GTF2F2: variants seen among roughly 807,000 people sequenced by gnomAD.
GTF2F2 encodes ATP-dependent helicase GTF2F2.
A neutral mutation model predicts 42.2 loss-of-function variants in GTF2F2; 23 were observed. The ratio of observed to expected loss-of-function variants is 0.55; its 90% confidence interval spans 0.39 to 0.77. The LOEUF is 0.77. GTF2F2 is among the 30% of genes least tolerant of loss of function. The pLI is 0.00. For missense variants in GTF2F2, 261 were observed against 287.2 expected, an observed-to-expected ratio of 0.91 and a Z score of 0.66; for synonymous variants, 105 against 100.8, an observed-to-expected ratio of 1.04 and a Z score of -0.25.
intron 5 of GTF2F2, among the ~76,000 whole-genome samples, chr13:45,240,599 G>C (rs2138232176): frequency 6.6e-6 from 1 of 152,230 alleles, no homozygotes; most frequent in Non-Finnish European, 1.5e-5. Context: ...AGGCCAAGGT[G>C]GTTGGATCAC....
intron 5 of GTF2F2, among the ~76,000 whole-genome samples, chr13:45,248,433 TG>T (rs1593517398): frequency 6.6e-6 from 1 of 151,996 alleles, no homozygotes; most frequent in African/African-American, 2.4e-5. Flanking sequence ...TTTTGTTTTT[TG>T]TTTTTTTGTT....
intron 4 of GTF2F2, among the ~76,000 whole-genome samples, chr13:45,164,469 A>G (rs1463109154): frequency 6.6e-6 from 1 of 152,192 alleles, no homozygotes; most frequent in Non-Finnish European, 1.5e-5. Flanking sequence ...GTAGTGGCTC[A>G]TGCCTGTAAC....
chr13:45,272,027 T>A (rs1017797475), intron 7 of GTF2F2, among the ~76,000 whole-genome samples: 3 of 151,442 alleles, frequency 2.0e-5, no homozygotes, highest in African/African-American at 4.8e-5. Context: ...TGGTTCCTTT[T>A]TTCATCTTTT....
At chr13:45,249,801 G>A (rs1171724153) in intron 5 of GTF2F2, among the ~76,000 whole-genome samples, 1 of 151,778 alleles carries the variant, frequency 6.6e-6, no homozygotes, top group Non-Finnish European at 1.5e-5. Context: ...CCTGAGAGCT[G>A]ATTGCATTAG....
At chr13:45,207,005 A>AACACACACACACACACACACACAC (rs10547539) in intron 4 of GTF2F2, 9 of 139,196 alleles carry the variant, frequency 6.5e-5, no homozygotes, top group African/African-American at 1.8e-4. Context: ...CACATACACA[A>AACACACACACACACACACACACAC]ACACACACAC....
chr13:45,193,667 T>G, intron 4 of GTF2F2: 2 of 843,176 alleles, frequency 2.4e-6, no homozygotes, highest in Non-Finnish European at 3.7e-6. Context: ...CAGTAATTGA[T>G]TAGTAGCAGG....
intron 1 of GTF2F2, among the ~76,000 whole-genome samples, chr13:45,126,193 T>G (rs1438207499): frequency 1.3e-5 from 2 of 151,936 alleles, no homozygotes; most frequent in Non-Finnish European, 2.9e-5. Flanking sequence ...AACTAGATAT[T>G]TGATGAAGCA....
At chr13:45,206,210 A>G (rs939847491) in intron 4 of GTF2F2, 2 of 152,154 alleles carry the variant, frequency 1.3e-5, no homozygotes, top group Non-Finnish European at 2.9e-5. Flanking sequence ...TACATTGATT[A>G]TATACGGTGT....
intron 4 of GTF2F2, among the ~76,000 whole-genome samples, chr13:45,165,568 C>T (rs1001383623): frequency 2.6e-5 from 3 of 113,420 alleles, no homozygotes; most frequent in Non-Finnish European, 1.7e-5. Flanking sequence ...ACTGCCCTCG[C>T]CCCCCCCCGC....
At chr13:45,232,292 C>A (rs1378058846) in intron 5 of GTF2F2, among the ~76,000 whole-genome samples, 11 of 152,014 alleles carry the variant, frequency 7.2e-5, no homozygotes, top group Non-Finnish European at 1.6e-4. Context: ...ATAAATAATT[C>A]TGGTTTTAAG....
chr13:45,242,282 A>ATTTTTTTTTTTTTTT (rs1875354552), intron 5 of GTF2F2, among the ~76,000 whole-genome samples: 1 of 118,532 alleles, frequency 8.4e-6, no homozygotes, highest in Non-Finnish European at 1.7e-5. Context: ...TTTTTTTTTA[A>ATTTTTTTTTTTTTTT]CTTGACTTTG....
chr13:45,251,547 T>C (rs945090235), intron 5 of GTF2F2, among the ~76,000 whole-genome samples: 1 of 152,154 alleles, frequency 6.6e-6, no homozygotes, highest in Admixed American at 6.5e-5. Context: ...ATGCATCCAG[T>C]CTGATCTCTT....
chr13:45,174,373 A>G (rs1459063174), intron 4 of GTF2F2, among the ~76,000 whole-genome samples: 2 of 152,198 alleles, frequency 1.3e-5, no homozygotes, highest in African/African-American at 4.8e-5. Context: ...ATGTATTAAC[A>G]TGAAACAGCT....
chr13:45,178,403 C>T, intron 4 of GTF2F2, among the ~76,000 whole-genome samples: 1 of 148,740 alleles, frequency 6.7e-6, no homozygotes. Flanking sequence ...ACAATTTTCC[C>T]TGTAGGTATT....
At chr13:45,262,998 T>A (rs1876409318) in intron 6 of GTF2F2, among the ~76,000 whole-genome samples, 1 of 152,178 alleles carries the variant, frequency 6.6e-6, no homozygotes, top group South Asian at 2.1e-4. Flanking sequence ...AGCACTAGGA[T>A]TACAGGTGTG....
At chr13:45,254,773 C>A (rs1484357728) in intron 6 of GTF2F2, among the ~76,000 whole-genome samples, 2 of 152,132 alleles carry the variant, frequency 1.3e-5, no homozygotes, top group Non-Finnish European at 2.9e-5. Context: ...AAATAAAATA[C>A]CTAAGTTAAG....
At chr13:45,244,022 A>C (rs1314512155) in intron 5 of GTF2F2, among the ~76,000 whole-genome samples, 1 of 152,186 alleles carries the variant, frequency 6.6e-6, no homozygotes, top group African/African-American at 2.4e-5. Flanking sequence ...GCAGGTACCC[A>C]ATATGCATAT....
At chr13:45,164,960 G>A (rs1408345312) in intron 4 of GTF2F2, among the ~76,000 whole-genome samples, 1 of 152,128 alleles carries the variant, frequency 6.6e-6, no homozygotes, top group Admixed American at 6.6e-5. Flanking sequence ...AAGAATTGAA[G>A]GAAGTTTTAA....
intron 4 of GTF2F2, among the ~76,000 whole-genome samples, chr13:45,165,065 T>C (rs533878294): frequency 1.1e-4 from 16 of 152,266 alleles, no homozygotes; most frequent in South Asian, 4.1e-4. Context: ...CGGACAGATA[T>C]AGGTAACCTG....
Sources: gnomAD v4.1 joint callset for allele counts (sites outside exome capture counted in the v4.1 genomes callset) on GRCh38, gnomAD v4.1.1 for gene constraint, MANE v1.5 for transcripts, NCBI Gene and HGNC (gene_info 2026-07-23, HGNC 2026-07-21) for gene names.